MINDY2: variants seen among roughly 807,000 people sequenced by gnomAD.
The protein encoded by MINDY2 is ubiquitin carboxyl-terminal hydrolase MINDY-2.
Under a neutral mutation model 68.2 loss-of-function variants are expected in MINDY2, and 52 were observed. The ratio of observed to expected loss-of-function variants is 0.76; its 90% confidence interval spans 0.61 to 0.96. MINDY2 has a LOEUF of 0.96. MINDY2 is among the 40% of genes least tolerant of loss of function. The pLI is 0.00. For missense variants in MINDY2, 881 were observed against 773.4 expected (o/e 1.14, Z -1.65); for synonymous variants, 372 against 303.0 (o/e 1.23, Z -2.36).
At chr15:58,821,598 G>A (rs1409289381) in intron 4 of MINDY2, 119 bp from the exon 5 acceptor site, 5 of 442,630 alleles carry the variant, frequency 1.1e-5, no homozygotes, top group African/African-American at 4.2e-5. Flanking sequence ...TTTGTTTTTC[G>A]TAAATAATAG....
At chr15:58,798,373 C>T (rs1394221040) in intron 2 of MINDY2, among the ~76,000 whole-genome samples, 2 of 151,700 alleles carry the variant, frequency 1.3e-5, no homozygotes, top group African/African-American at 2.4e-5. Flanking sequence ...GATCCACCCA[C>T]CTTACACTCT....
At chr15:58,826,727 C>T (rs561981393) in intron 5 of MINDY2, among the ~76,000 whole-genome samples, 7 of 152,160 alleles carry the variant, frequency 4.6e-5, no homozygotes, top group East Asian at 1.9e-4. Context: ...AGAATTCTCC[C>T]GTTTTCCCAG....
At chr15:58,787,814 A>G (rs2140918811) in intron 1 of MINDY2, 92 bp from the exon 2 acceptor site, 3 of 730,864 alleles carry the variant, frequency 4.1e-6, no homozygotes, top group Non-Finnish European at 6.8e-6. Context: ...GTAGATACAT[A>G]ATTAGACATA....
At chr15:58,850,252 G>C (rs2032749309) in intron 7 of MINDY2, among the ~76,000 whole-genome samples, 1 of 152,132 alleles carries the variant, frequency 6.6e-6, no homozygotes, top group Non-Finnish European at 1.5e-5. Context: ...TTAAATAATT[G>C]AGTAAGACTA....
At position 58,851,877 on chromosome 15, in the gene MINDY2, A is replaced by G; in HGVS notation, c.1649A>G (p.Gln550Arg). Residue 550 changes from glutamine (Q) to arginine (R), a missense_variant, in exon 8 of 9, where the codon CAA (glutamine) becomes CGA (arginine). Coordinates refer to ENST00000559228, the MANE Select transcript of MINDY2 (RefSeq NM_001040450.3). ...ISDLELAKKL[Q>R]EEEDRRASQY... ...GATTTGGAACTAGCAAAGAAACTCC[A>G]AGAGGAAGAGGACAGACGGGCTTCT... 4 of 1,613,630 alleles carry G rather than the reference A, an allele frequency of 2.5e-6. No homozygotes were observed. Among genetic ancestry groups the G allele is most frequent in the Non-Finnish European group, 3.4e-6 (4 of 1,179,878 alleles).
rs1433382461 is a variant in MINDY2, at chr15:58,855,601, C to CT, written c.*992dup. The stretch of plus-strand genomic sequence containing the variant: ...TCTGAAATGAAGTTAGAGATAATCT[C>CT]TGTGTCTTATAAAAAGACATTAATA... On this transcript the variant is annotated 3_prime_UTR_variant, in exon 9 of 9. Transcript: ENST00000559228. The CT allele has an allele frequency of 6.6e-6, 1 of 152,498 alleles. No homozygotes were observed. Among genetic ancestry groups the CT allele is most frequent in the African/African-American group, 2.4e-5 (1 of 41,408 alleles). 9.4% of individuals were successfully genotyped at this position (152,498 alleles called of 1,614,324 possible).
At chr15:58,789,343 CA>C (rs1901731633) in intron 2 of MINDY2, among the ~76,000 whole-genome samples, 1 of 152,066 alleles carries the variant, frequency 6.6e-6, no homozygotes, top group Admixed American at 6.6e-5. Flanking sequence ...GTCTCAAAAA[CA>C]AAAGAATCTT....
chr15:58,850,416 T>A (rs1182726274), intron 7 of MINDY2, among the ~76,000 whole-genome samples: 5 of 152,168 alleles, frequency 3.3e-5, no homozygotes, highest in African/African-American at 1.2e-4. Flanking sequence ...TGAATTTGTA[T>A]GGGAATGTAG....
chr15:58,798,538 C>G (rs1420579590), intron 2 of MINDY2, among the ~76,000 whole-genome samples: 1 of 151,714 alleles, frequency 6.6e-6, no homozygotes, highest in African/African-American at 2.4e-5. Flanking sequence ...TCACTGCAAC[C>G]TCTGCCTCCT....
At chr15:58,828,605 A>G (rs1415931048) in intron 5 of MINDY2, among the ~76,000 whole-genome samples, 1 of 104,636 alleles carries the variant, frequency 9.6e-6, no homozygotes, top group Non-Finnish European at 1.8e-5. Context: ...TTTGTCACCC[A>G]GGCTGGAGTG....
intron 1 of MINDY2, among the ~76,000 whole-genome samples, chr15:58,774,266 T>C (rs1163312033): frequency 1.3e-5 from 2 of 152,234 alleles, no homozygotes; most frequent in African/African-American, 4.8e-5. Flanking sequence ...GTGGATCACC[T>C]GAGGTCAGGA....
chr15:58,835,725 G>T (rs1254264653), intron 6 of MINDY2, among the ~76,000 whole-genome samples: 1 of 152,000 alleles, frequency 6.6e-6, no homozygotes, highest in Non-Finnish European at 1.5e-5. Flanking sequence ...TAATCAGTTG[G>T]CCAAAAAAGA....
intron 6 of MINDY2, among the ~76,000 whole-genome samples, chr15:58,844,418 G>A (rs1273407771): frequency 6.6e-6 from 1 of 152,062 alleles, no homozygotes; most frequent in African/African-American, 2.4e-5. Context: ...CGGGCATGGT[G>A]GCGGGCGCCT....
intron 6 of MINDY2, among the ~76,000 whole-genome samples, chr15:58,837,352 C>T (rs1158288067): frequency 2.6e-5 from 4 of 151,758 alleles, no homozygotes; most frequent in African/African-American, 7.3e-5. Flanking sequence ...GCTGGACAGT[C>T]GCTTGAGGCC....
At chr15:58,775,698 C>T (rs1900729277) in intron 1 of MINDY2, among the ~76,000 whole-genome samples, 1 of 152,044 alleles carries the variant, frequency 6.6e-6, no homozygotes, top group Non-Finnish European at 1.5e-5. Flanking sequence ...TTGGCTGGAT[C>T]TTTCCAAAGA....
chr15:58,780,053 A>G (rs1335841385), intron 1 of MINDY2, among the ~76,000 whole-genome samples: 1 of 152,140 alleles, frequency 6.6e-6, no homozygotes. Context: ...TTTCTCTTTT[A>G]AGTTTCTCAA....
intron 1 of MINDY2, among the ~76,000 whole-genome samples, chr15:58,782,912 T>TTTTTTTTTTTTTTTTTG (rs1901246739): frequency 9.8e-5 from 1 of 10,170 alleles, no homozygotes; most frequent in Non-Finnish European, 2.5e-4. Context: ...TTTCTCTCTG[T>TTTTTTTTTTTTTTTTTG]TTTTTTTTTT....
chr15:58,852,524 C>G (rs1346041791), intron 8 of MINDY2, among the ~76,000 whole-genome samples: 1 of 152,082 alleles, frequency 6.6e-6, no homozygotes, highest in Non-Finnish European at 1.5e-5. Context: ...TGGACGAAGT[C>G]CTTTCAATCA....
chr15:58,779,537 A>G (rs1900998868), intron 1 of MINDY2, among the ~76,000 whole-genome samples: 1 of 152,208 alleles, frequency 6.6e-6, no homozygotes. Context: ...GAGGTTTTCC[A>G]AGTGTGTTTA....
Sources: gnomAD v4.1 joint callset for allele counts (sites outside exome capture counted in the v4.1 genomes callset) on GRCh38, gnomAD v4.1.1 for gene constraint, MANE v1.5 for transcripts, NCBI Gene and HGNC (gene_info 2026-07-23, HGNC 2026-07-21) for gene names.